The following CDH12 variants were observed in gnomAD, a reference collection of about 807,000 sequenced individuals.
The protein encoded by CDH12 is cadherin 12.
A neutral mutation model predicts 74.1 loss-of-function variants in CDH12; 41 were observed. The observed-to-expected ratio is 0.55, with a 90% CI of 0.43 to 0.72. The LOEUF is 0.72. Ranked by LOEUF, CDH12 falls within the 30% of genes least tolerant of loss-of-function variation. CDH12 has a pLI of 0.00. For missense variants in CDH12, 945 were observed against 977.2 expected (o/e 0.97, Z 0.44); for synonymous variants, 399 against 355.0 (o/e 1.12, Z -1.39).
intron 2 of CDH12, among the ~76,000 whole-genome samples, chr5:22,481,047 C>T (rs1455289970): frequency 6.6e-6 from 1 of 152,110 alleles, no homozygotes; most frequent in Non-Finnish European, 1.5e-5. Context: ...TATGACTTTT[C>T]AGATAGTATT....
At chr5:22,344,517 A>C (rs1012635723) in intron 3 of CDH12, among the ~76,000 whole-genome samples, 1 of 152,134 alleles carries the variant, frequency 6.6e-6, no homozygotes, top group African/African-American at 2.4e-5. Context: ...GATTTGAAAG[A>C]AGCATGAGAC....
intron 4 of CDH12, among the ~76,000 whole-genome samples, chr5:22,125,232 G>C (rs966476257): frequency 6.6e-6 from 1 of 151,892 alleles, no homozygotes; most frequent in Admixed American, 6.6e-5. Flanking sequence ...CATGCATTAG[G>C]TATTTGTCCT....
intron 3 of CDH12, among the ~76,000 whole-genome samples, chr5:22,380,511 T>C (rs1741713948): frequency 7.1e-6 from 1 of 141,684 alleles, no homozygotes; most frequent in Admixed American, 7.6e-5. Context: ...TATTTTATGC[T>C]TATCATTTTA....
At chr5:22,584,349 C>T (rs956687149) in intron 1 of CDH12, among the ~76,000 whole-genome samples, 1 of 152,188 alleles carries the variant, frequency 6.6e-6, no homozygotes, top group Non-Finnish European at 1.5e-5. Flanking sequence ...ATCCATCTGC[C>T]TCGGCTTCCC....
intron 2 of CDH12, among the ~76,000 whole-genome samples, chr5:22,463,106 AG>A (rs2126589360): frequency 6.6e-6 from 1 of 152,300 alleles, no homozygotes; most frequent in East Asian, 1.9e-4. Context: ...CCAAACTAAA[AG>A]GGACAAATGA....
intron 5 of CDH12, among the ~76,000 whole-genome samples, chr5:22,068,955 G>A (rs1241336873): frequency 6.6e-6 from 1 of 152,094 alleles, no homozygotes; most frequent in Middle Eastern, 3.2e-3. Flanking sequence ...CCCCAATATG[G>A]CACCATTCCC....
chr5:22,479,557 G>A (rs1488428840), intron 2 of CDH12, among the ~76,000 whole-genome samples: 1 of 152,178 alleles, frequency 6.6e-6, no homozygotes, highest in Non-Finnish European at 1.5e-5. Context: ...GGGCTCTCCA[G>A]CTTGTTGACT....
At chr5:22,690,070 T>G (rs1046182071) in intron 1 of CDH12, among the ~76,000 whole-genome samples, 1 of 152,012 alleles carries the variant, frequency 6.6e-6, no homozygotes, top group African/African-American at 2.4e-5. Context: ...TTGAAAGAAA[T>G]AAAAATTGCA....
At position 22,683,146 on chromosome 5, in the gene CDH12, C is replaced by T. The variant is rs550814831; in HGVS notation, c.-523+169912G>A. Among the ~76,000 whole-genome samples the T allele has an allele frequency of 9.3e-4, 142 of 152,244 alleles. No homozygotes were observed. The Middle Eastern group carries it at 0.014, about 15-fold the overall frequency. Reference sequence around the variant, plus strand: ...AGACAGCACTTATTGGAAATTAAACCTCTACTAATGTATTATAATTATTAC... The same window carrying T: ...AGACAGCACTTATTGGAAATTAAACTTCTACTAATGTATTATAATTATTAC... On this transcript the variant is annotated intron_variant, in intron 1 of 14. Coordinates refer to ENST00000382254, the MANE Select transcript of CDH12 (RefSeq NM_004061.5).
chr5:22,795,676 C>G (rs1230842665), intron 1 of CDH12, among the ~76,000 whole-genome samples: 1 of 151,142 alleles, frequency 6.6e-6, no homozygotes, highest in Non-Finnish European at 1.5e-5. Context: ...ACATACAAGT[C>G]CAAAGGTGGA....
chr5:22,177,395 T>C (rs1013811750), intron 4 of CDH12, among the ~76,000 whole-genome samples: 42 of 152,160 alleles, frequency 2.8e-4, no homozygotes, highest in African/African-American at 9.9e-4. Flanking sequence ...TAGAACTTAG[T>C]GCCTGAAAAC....
At chr5:22,075,487 C>T (rs1742254502) in intron 5 of CDH12, among the ~76,000 whole-genome samples, 1 of 152,002 alleles carries the variant, frequency 6.6e-6, no homozygotes, top group Admixed American at 6.6e-5. Flanking sequence ...TGATGACCCA[C>T]TTCCACTTAA....
chr5:22,352,162 T>C (rs1740382475), intron 3 of CDH12, among the ~76,000 whole-genome samples: 1 of 152,026 alleles, frequency 6.6e-6, no homozygotes, highest in Non-Finnish European at 1.5e-5. Context: ...CAGCAGACTT[T>C]TTCCATCTCT....
At chr5:22,490,058 G>A (rs1371769720) in intron 2 of CDH12, among the ~76,000 whole-genome samples, 3 of 152,054 alleles carry the variant, frequency 2.0e-5, no homozygotes, top group Non-Finnish European at 1.5e-5. Context: ...GGAAGATAAG[G>A]TATAATTTTA....
intron 5 of CDH12, among the ~76,000 whole-genome samples, chr5:21,990,324 A>G (rs1422519941): frequency 6.6e-6 from 1 of 152,188 alleles, no homozygotes; most frequent in Non-Finnish European, 1.5e-5. Flanking sequence ...GGGTGTATAC[A>G]ACATAAAAAG....
intron 1 of CDH12, among the ~76,000 whole-genome samples, chr5:22,655,332 T>C (rs930860816): frequency 6.6e-6 from 1 of 152,220 alleles, no homozygotes; most frequent in Admixed American, 6.5e-5. Flanking sequence ...ATGCAGATAC[T>C]GTAACTTTCT....
chr5:21,798,557 T>C (rs1746927628), intron 10 of CDH12, among the ~76,000 whole-genome samples: 2 of 152,240 alleles, frequency 1.3e-5, no homozygotes, highest in Non-Finnish European at 1.5e-5. Context: ...AATTCATATG[T>C]TGAAATCCTA....
At chr5:22,665,232 C>T (rs906406824) in intron 1 of CDH12, among the ~76,000 whole-genome samples, 2 of 152,196 alleles carry the variant, frequency 1.3e-5, no homozygotes. Context: ...AGCACAGCTC[C>T]TGGCCTCACA....
At chr5:22,787,377 C>G (rs1379753829) in intron 1 of CDH12, among the ~76,000 whole-genome samples, 1 of 152,024 alleles carries the variant, frequency 6.6e-6, no homozygotes, top group African/African-American at 2.4e-5. Flanking sequence ...TCCAATTAGC[C>G]TACCAAGAAG....
Sources: gnomAD v4.1 joint callset for allele counts (sites outside exome capture counted in the v4.1 genomes callset) on GRCh38, gnomAD v4.1.1 for gene constraint, MANE v1.5 for transcripts, NCBI Gene and HGNC (gene_info 2026-07-23, HGNC 2026-07-21) for gene names.